The following ATP10A variants were observed in gnomAD, a reference collection of about 807,000 sequenced individuals.
ATP10A encodes the protein ATPase phospholipid transporting 10A (putative), also known as phospholipid-transporting ATPase VA.
In ATP10A, 111 loss-of-function variants were observed where a neutral mutation model predicts 147.8. The observed-to-expected ratio is 0.75, with a 90% confidence interval of 0.64 to 0.88. The LOEUF (loss-of-function observed/expected upper bound fraction) is 0.88, where lower values mean the gene tolerates loss of function less well. ATP10A is among the 40% of genes least tolerant of loss of function. The pLI, the probability that ATP10A is intolerant of heterozygous loss-of-function variation, is 0.00. For missense variants in ATP10A, 1,927 were observed against 1,959.0 expected (o/e 0.98, Z 0.31); for synonymous variants, 875 against 841.6 (o/e 1.04, Z -0.69).
chr15:25,775,713 C>T (rs1358126169), intron 2 of ATP10A, among the ~76,000 whole-genome samples: 1 of 152,224 alleles, frequency 6.6e-6, no homozygotes, highest in Non-Finnish European at 1.5e-5. Flanking sequence ...ATTGTGGGCA[C>T]TCATCCAAAC....
intron 8 of ATP10A, 111 bp downstream of exon 8, chr15:25,718,071 C>T: frequency 8.4e-7 from 1 of 1,194,668 alleles, no homozygotes; most frequent in Non-Finnish European, 1.2e-6. Context: ...GCCAAGCCGC[C>T]CAGCGACAGT....
At chr15:25,747,877 T>C (rs1424474466) in intron 2 of ATP10A, among the ~76,000 whole-genome samples, 1 of 152,186 alleles carries the variant, frequency 6.6e-6, no homozygotes, top group Non-Finnish European at 1.5e-5. Flanking sequence ...ATTTATTTTA[T>C]GAAGCTGGCA....
At chr15:25,787,958 T>C (rs1389693697) in intron 1 of ATP10A, among the ~76,000 whole-genome samples, 1 of 152,132 alleles carries the variant, frequency 6.6e-6, no homozygotes, top group Non-Finnish European at 1.5e-5. Context: ...CCTTGGGGAC[T>C]TCCCTCTGGG....
At chr15:25,753,766 TATATATG>T (rs1888275550) in intron 2 of ATP10A, among the ~76,000 whole-genome samples, 1 of 148,514 alleles carries the variant, frequency 6.7e-6, no homozygotes, top group Non-Finnish European at 1.5e-5. Context: ...TATATAGTTA[TATATATG>T]ATATATGTTA....
At chr15:25,692,901 A>C (rs572845800) in intron 14 of ATP10A, among the ~76,000 whole-genome samples, 2 of 150,832 alleles carry the variant, frequency 1.3e-5, no homozygotes, top group African/African-American at 4.9e-5. Flanking sequence ...CCTGGGCTCA[A>C]GTGATCCTCC....
In ATP10A at chr15:25,736,976, A is replaced by G. The variant is rs533788775; in HGVS notation, c.655-835T>C. Reference sequence around the variant, plus strand: ...GCATAAACACTGTTGACACCACCCCAGGTTAACTATGGCTCTGCCGCAACC... The same window carrying G: ...GCATAAACACTGTTGACACCACCCCGGGTTAACTATGGCTCTGCCGCAACC... On this transcript the variant is annotated intron_variant, in intron 2 of 20. Transcript: ENST00000555815. Among the ~76,000 whole-genome samples, 21 of 152,360 alleles carry G rather than the reference A, an allele frequency of 1.4e-4. No homozygotes were observed. In the South Asian group the frequency reaches 4.3e-3, roughly 32 times the overall value.
chr15:25,798,632 A>G (rs998556033), intron 1 of ATP10A, among the ~76,000 whole-genome samples: 1 of 152,212 alleles, frequency 6.6e-6, no homozygotes, highest in Non-Finnish European at 1.5e-5. Flanking sequence ...CAAAGATTCA[A>G]GTCCACAGAG....
In ATP10A at chr15:25,687,752, C is replaced by A. The variant is rs773383804; in HGVS notation, c.3242G>T (p.Cys1081Phe). 1.9e-6 allele frequency: 3 copies of A among 1,612,858 alleles called. No individual in the cohort carries two copies. In the South Asian group the frequency reaches 3.3e-5, roughly 18 times the overall value. Residue 1081 changes from cysteine (C) to phenylalanine (F), a missense_variant, in exon 16 of 21, where the codon TGC becomes TTC. Coordinates refer to ENST00000555815, the MANE Select transcript of ATP10A (RefSeq NM_024490.4). ...CACCATGTTGGCAAGTCGGGAGTAG[C>A]ACCAATGCCCGTGAAGAATCAAGAG... ...ERLLILHGHW[C>F]YSRLANMVLY...
At chr15:25,803,879 T>C (rs1343145665) in intron 1 of ATP10A, among the ~76,000 whole-genome samples, 1 of 152,252 alleles carries the variant, frequency 6.6e-6, no homozygotes, top group African/African-American at 2.4e-5. Flanking sequence ...GGCACGCACG[T>C]GCTGCTGCTG....
chr15:25,862,015 T>C (rs945666227), intron 1 of ATP10A: 1 of 334,990 alleles, frequency 3.0e-6, no homozygotes, highest in Non-Finnish European at 5.9e-6. Flanking sequence ...CCACAGCCTC[T>C]TTCCCCCAGG....
intron 2 of ATP10A, among the ~76,000 whole-genome samples, chr15:25,777,580 C>A (rs1416870064): frequency 6.6e-6 from 1 of 151,946 alleles, no homozygotes; most frequent in African/African-American, 2.4e-5. Context: ...GGGGCAGTGG[C>A]TGTCCCTTCA....
intron 2 of ATP10A, among the ~76,000 whole-genome samples, chr15:25,773,613 C>T (rs563976187): frequency 6.6e-6 from 1 of 152,310 alleles, no homozygotes; most frequent in East Asian, 1.9e-4. Flanking sequence ...CAATCCACTT[C>T]TGCAACACTA....
intron 2 of ATP10A, among the ~76,000 whole-genome samples, chr15:25,762,861 T>C (rs1008823206): frequency 6.6e-6 from 1 of 152,250 alleles, no homozygotes; most frequent in Non-Finnish European, 1.5e-5. Flanking sequence ...ATTACAGGCA[T>C]GAGCCTGGCC....
At chr15:25,776,222 T>C (rs868556040) in intron 2 of ATP10A, among the ~76,000 whole-genome samples, 1 of 152,064 alleles carries the variant, frequency 6.6e-6, no homozygotes, top group Non-Finnish European at 1.5e-5. Context: ...CCACAGAACA[T>C]CTGAACGTAT....
intron 6 of ATP10A, among the ~76,000 whole-genome samples, chr15:25,723,071 G>A (rs1261656259): frequency 2.0e-5 from 3 of 152,156 alleles, no homozygotes; most frequent in Admixed American, 2.0e-4. Context: ...GGACTAGGCC[G>A]GGTGCAGTGG....
At chr15:25,816,351 A>C (rs1258413691) in intron 1 of ATP10A, among the ~76,000 whole-genome samples, 1 of 152,028 alleles carries the variant, frequency 6.6e-6, no homozygotes, top group Non-Finnish European at 1.5e-5. Context: ...GATGTAAGCC[A>C]CCACATCCAG....
At chr15:25,813,836 C>A in intron 1 of ATP10A, among the ~76,000 whole-genome samples, 1 of 144,160 alleles carries the variant, frequency 6.9e-6, no homozygotes, top group African/African-American at 2.5e-5. Context: ...AGAAGCTATC[C>A]AATATGAAAC....
At chr15:25,792,310 G>A (rs1890462923) in intron 1 of ATP10A, among the ~76,000 whole-genome samples, 1 of 152,206 alleles carries the variant, frequency 6.6e-6, no homozygotes, top group Admixed American at 6.5e-5. Flanking sequence ...ACCTGCTCAG[G>A]GTGGAGCCCA....
At chr15:25,701,392 A>G (rs930836388) in intron 13 of ATP10A, among the ~76,000 whole-genome samples, 4 of 152,214 alleles carry the variant, frequency 2.6e-5, no homozygotes, top group African/African-American at 9.6e-5. Context: ...CAGATCAGCC[A>G]CAGCAAGACA....
Sources: allele counts gnomAD v4.1 joint callset (sites outside exome capture counted in the v4.1 genomes callset), GRCh38; gene constraint gnomAD v4.1.1; transcripts MANE v1.5; gene names NCBI Gene and HGNC (gene_info 2026-07-23, HGNC 2026-07-21).